Variants in C12orf42 observed in about 807,000 individuals in gnomAD.
C12orf42 encodes the protein uncharacterized protein C12orf42.
A neutral mutation model predicts 21.6 loss-of-function variants in C12orf42; 25 were observed. The ratio of observed to expected loss-of-function variants is 1.16; its 90% CI spans 0.84 to 1.62. The LOEUF (loss-of-function observed/expected upper bound fraction) is 1.62. Ranked by LOEUF, C12orf42 falls within the 40% of genes most tolerant of loss-of-function variation. The pLI, the probability that C12orf42 is intolerant of heterozygous loss-of-function variation, is 0.00. For synonymous variants in C12orf42, 174 were observed against 175.0 expected (o/e 0.99, Z 0.05); for missense variants, 483 against 459.3 (o/e 1.05, Z -0.47).
chr12:103,107,097 T>A, the C12orf42 span, among the ~76,000 whole-genome samples: 1 of 152,074 alleles, frequency 6.6e-6, no homozygotes, highest in Admixed American at 6.5e-5. Context: ...CTAAATCATA[T>A]AGACTCTACT....
the C12orf42 span, among the ~76,000 whole-genome samples, chr12:103,130,432 G>T: frequency 7.9e-5 from 12 of 151,516 alleles, no homozygotes; most frequent in Non-Finnish European, 1.2e-4. Context: ...TTTTCAAAAA[G>T]ATTTTATTGA....
chr12:103,130,085 G>A, the C12orf42 span, among the ~76,000 whole-genome samples: 2,939 of 152,114 alleles, frequency 0.019, 58 homozygotes, highest in African/African-American at 0.048. Flanking sequence ...GGCACCTGGC[G>A]TTTTATAATT....
chr12:103,076,937 AAAC>A, the C12orf42 span, among the ~76,000 whole-genome samples: 5 of 152,344 alleles, frequency 3.3e-5, no homozygotes, highest in South Asian at 2.1e-4. Context: ...ATGCAGTTTG[AAAC>A]AATGAACTCT....
chr12:103,426,696 T>C (rs1014378955), intron 2 of C12orf42, among the ~76,000 whole-genome samples: 5 of 152,114 alleles, frequency 3.3e-5, no homozygotes, highest in Admixed American at 6.5e-5. Flanking sequence ...GAAAAAATGT[T>C]AAGGGAAGCC....
chr12:103,312,020 C>A (rs1000022735), intron 4 of C12orf42, among the ~76,000 whole-genome samples: 1 of 152,162 alleles, frequency 6.6e-6, no homozygotes, highest in South Asian at 2.1e-4. Context: ...ATCGATGGTC[C>A]TCATTTCAGA....
intron 4 of C12orf42, among the ~76,000 whole-genome samples, chr12:103,327,655 G>A (rs897088109): frequency 1.3e-5 from 2 of 152,160 alleles, no homozygotes; most frequent in Non-Finnish European, 2.9e-5. Context: ...TGATTCTCTG[G>A]AGAAAGATAA....
chr12:103,244,072 A>G (rs2033891584), intron 10 of C12orf42, among the ~76,000 whole-genome samples: 1 of 152,152 alleles, frequency 6.6e-6, no homozygotes, highest in Admixed American at 6.5e-5. Context: ...AGGGTAGGCA[A>G]GAGAAAAATA....
chr12:103,343,985 G>C (rs1196036426), intron 4 of C12orf42, among the ~76,000 whole-genome samples: 2 of 152,076 alleles, frequency 1.3e-5, no homozygotes, highest in African/African-American at 2.4e-5. Context: ...TGTGTGCCTT[G>C]AGTGTACATA....
intron 4 of C12orf42, among the ~76,000 whole-genome samples, chr12:103,364,496 A>T (rs1412583851): frequency 6.6e-6 from 1 of 152,128 alleles, no homozygotes; most frequent in Non-Finnish European, 1.5e-5. Flanking sequence ...AAATCAAAAC[A>T]GAACTAAATG....
At chr12:103,324,885 C>T (rs547931616) in intron 4 of C12orf42, among the ~76,000 whole-genome samples, 1 of 152,282 alleles carries the variant, frequency 6.6e-6, no homozygotes, top group South Asian at 2.1e-4. Context: ...GATAATAAAC[C>T]TGACATTGGT....
the C12orf42 span, among the ~76,000 whole-genome samples, chr12:103,229,973 G>C: frequency 8.6e-5 from 13 of 152,016 alleles, no homozygotes; most frequent in Non-Finnish European, 1.6e-4. Flanking sequence ...TCATGAAAAA[G>C]TTTGTAAACC....
At chr12:103,329,367 CA>C (rs2041008964) in intron 4 of C12orf42, among the ~76,000 whole-genome samples, 1 of 152,060 alleles carries the variant, frequency 6.6e-6, no homozygotes, top group African/African-American at 2.4e-5. Flanking sequence ...ACATCACACA[CA>C]AGGTCCTGTC....
At chr12:103,543,516 G>A in the C12orf42 span, among the ~76,000 whole-genome samples, 1 of 151,982 alleles carries the variant, frequency 6.6e-6, no homozygotes, top group Non-Finnish European at 1.5e-5. Flanking sequence ...GGAAGGGTGA[G>A]GTGAAAGGAT....
chr12:103,327,384 A>G (rs1284505325), intron 4 of C12orf42, among the ~76,000 whole-genome samples: 1 of 152,232 alleles, frequency 6.6e-6, no homozygotes, highest in Non-Finnish European at 1.5e-5. Context: ...AGCCATGAAT[A>G]TATTGCATGT....
intron 4 of C12orf42, among the ~76,000 whole-genome samples, chr12:103,279,744 C>G (rs1036272257): frequency 6.6e-6 from 1 of 152,112 alleles, no homozygotes; most frequent in Non-Finnish European, 1.5e-5. Flanking sequence ...AAAGCTGATG[C>G]CTCTTATGGG....
At chr12:103,156,634 G>A in the C12orf42 span, among the ~76,000 whole-genome samples, 15 of 151,950 alleles carry the variant, frequency 9.9e-5, no homozygotes, top group African/African-American at 3.6e-4. Flanking sequence ...TCTCATCCCC[G>A]ACCCCACAAC....
At chr12:103,563,257 G>C in the C12orf42 span, among the ~76,000 whole-genome samples, 1 of 152,134 alleles carries the variant, frequency 6.6e-6, no homozygotes, top group Non-Finnish European at 1.5e-5. Context: ...GCCCAGGAAT[G>C]TGTATCCTGG....
chr12:103,309,513 G>C (rs1321651457), intron 4 of C12orf42, among the ~76,000 whole-genome samples: 1 of 152,082 alleles, frequency 6.6e-6, no homozygotes, highest in Non-Finnish European at 1.5e-5. Flanking sequence ...GCTAAATTTT[G>C]GGGGAGTCAA....
At chr12:103,221,710 A>G in the C12orf42 span, among the ~76,000 whole-genome samples, 3 of 152,152 alleles carry the variant, frequency 2.0e-5, no homozygotes, top group African/African-American at 7.2e-5. Flanking sequence ...ACCTCATTTT[A>G]TGGCCGTGGA....
Sources: allele counts gnomAD v4.1 joint callset (sites outside exome capture counted in the v4.1 genomes callset), GRCh38; gene constraint gnomAD v4.1.1; transcripts MANE v1.5; gene names NCBI Gene and HGNC (gene_info 2026-07-23, HGNC 2026-07-21).